TTC39C: variants seen among roughly 807,000 people sequenced by gnomAD.
The protein encoded by TTC39C is tetratricopeptide repeat protein 39C.
In TTC39C, 33 loss-of-function variants were observed where a neutral mutation model predicts 76.3. The ratio of observed to expected loss-of-function variants is 0.43; its 90% CI spans 0.33 to 0.58. The LOEUF (loss-of-function observed/expected upper bound fraction) is 0.58. TTC39C is among the 20% of genes least tolerant of loss of function. The pLI, the probability that TTC39C is intolerant of heterozygous loss-of-function variation, is 0.04. For synonymous variants in TTC39C, 254 were observed against 260.6 expected, an observed-to-expected ratio of 0.97 and a Z score of 0.24; for missense variants, 595 against 701.4, an observed-to-expected ratio of 0.85 and a Z score of 1.71.
At chr18:24,010,326 A>G (rs907988992), upstream of TTC39C, among the ~76,000 whole-genome samples, 3 of 152,256 alleles carry the variant, frequency 2.0e-5, no homozygotes, top group African/African-American at 7.2e-5. Context: ...GCTACTTGTT[A>G]CAAGAGTTTG....
At chr18:24,042,289 A>G (rs1021995262) in intron 1 of TTC39C, among the ~76,000 whole-genome samples, 34 of 152,178 alleles carry the variant, frequency 2.2e-4, no homozygotes, top group African/African-American at 8.2e-4. Flanking sequence ...TTCATGGGTG[A>G]CAGTTTTTCT....
chr18:24,114,256 G>A (rs1319684997), intron 6 of TTC39C: 1 of 303,428 alleles, frequency 3.3e-6, no homozygotes, highest in Non-Finnish European at 6.2e-6. Flanking sequence ...GAGTGAAGGA[G>A]AAGGTGGGTG....
intron 1 of TTC39C, among the ~76,000 whole-genome samples, chr18:24,058,568 T>C (rs2084047679): frequency 6.6e-6 from 1 of 151,860 alleles, no homozygotes; most frequent in African/African-American, 2.4e-5. Context: ...GACACAAGAA[T>C]CACTTGAACC....
rs1031693591 is a variant in TTC39C at position 24,065,975 on chromosome 18, T to A, written c.217-37T>A. On this transcript the variant is annotated intron_variant, in intron 2 of 13. Coordinates refer to ENST00000317571, the MANE Select transcript of TTC39C (RefSeq NM_001135993.2). ...TAAGTTGGCTTAAATTTTCAGATAC[T>A]AATTCATTCATTCATTCATTCTTTC... is the stretch of plus-strand genomic sequence containing the variant. 2.0e-6 allele frequency: 3 copies of A among 1,511,042 alleles called. No individual in the cohort carries two copies. In the Admixed American group the frequency reaches 7.9e-5, roughly 40 times the overall value. 93.6% of individuals were successfully genotyped at this position (1,511,042 alleles called of 1,614,324 possible). A position where few individuals can be genotyped will look rare whatever the true frequency, so the allele number is the denominator to read the frequency against.
At chr18:24,009,167 A>G (rs1461833230) in intron 1 of TTC39C, among the ~76,000 whole-genome samples, 2 of 152,232 alleles carry the variant, frequency 1.3e-5, no homozygotes, top group East Asian at 1.9e-4. Context: ...GTTTACCTCT[A>G]TAACAAACCT....
chr18:24,123,886 A>C lies in TTC39C; in HGVS notation c.1239A>C (p.Glu413Asp), dbSNP rs1222815592. 3 of 1,613,180 alleles carry C rather than the reference A, an allele frequency of 1.9e-6. No individual in the cohort carries two copies. Among genetic ancestry groups the C allele is most frequent in the African/African-American group, 2.7e-5 (2 of 74,746 alleles). The change falls in exon 9 of 14, where the codon GAA (glutamate) becomes GAC (aspartate). Residue 413 changes from glutamate to aspartate, a missense_variant. Transcript: ENST00000317571. ...DVDGAQIVFKEVQKLFKRKNN... is the reference protein window; with the variant it reads ...DVDGAQIVFKDVQKLFKRKNN... ...ATGGGGCACAGATTGTCTTTAAAGA[A>C]GTTCAGAAACTCTTCAAAAGGAAAA...
At chr18:24,084,772 C>T (rs534357710) in intron 6 of TTC39C, among the ~76,000 whole-genome samples, 14 of 152,256 alleles carry the variant, frequency 9.2e-5, no homozygotes, top group East Asian at 7.7e-4. Context: ...AGCGATCCTC[C>T]GACCTCAGCC....
chr18:24,077,200 C>G (rs1290982805), intron 4 of TTC39C: 1 of 152,374 alleles, frequency 6.6e-6, no homozygotes, highest in Non-Finnish European at 1.5e-5. Context: ...GCTGCTCTCT[C>G]CTGGGGTGTT....
At chr18:24,131,675 C>T (rs1199132899) in intron 12 of TTC39C, among the ~76,000 whole-genome samples, 2 of 149,052 alleles carry the variant, frequency 1.3e-5, no homozygotes, top group Non-Finnish European at 3.0e-5. Flanking sequence ...CACTGCACAC[C>T]ACACTCCAGC....
intron 9 of TTC39C, among the ~76,000 whole-genome samples, 159 bp from the exon 10 acceptor site, chr18:24,125,268 G>A (rs774605202): frequency 6.6e-6 from 1 of 152,214 alleles, no homozygotes; most frequent in Non-Finnish European, 1.5e-5. Context: ...AAAATTGAAA[G>A]CAACATTTTT....
In TTC39C at chr18:24,058,570, A is replaced by T. The variant is rs373669148; in HGVS notation, c.168-5570A>T. ...CTTGGGAGGCTGAGACACAAGAATC[A>T]CTTGAACCCAGGAGGCGGAGGCTGC... On this transcript the variant is annotated intron_variant, in intron 1 of 13. Transcript: ENST00000317571. Among the ~76,000 whole-genome samples, 12 of 152,190 alleles carry T rather than the reference A, an allele frequency of 7.9e-5. 1 individual carries two copies. Among genetic ancestry groups the T allele is most frequent in the African/African-American group, 2.9e-4 (12 of 41,520 alleles).
At chr18:24,049,424 A>G (rs2083922549) in intron 1 of TTC39C, among the ~76,000 whole-genome samples, 1 of 152,182 alleles carries the variant, frequency 6.6e-6, no homozygotes, top group African/African-American at 2.4e-5. Context: ...CTCAGCATAG[A>G]TAGTTTTCTG....
In TTC39C at chr18:24,048,315, G is replaced by A. The variant is rs190205818; in HGVS notation, c.168-15825G>A. ...ATTTTGAAATACTTGATAAACTATAGGACACTAATATATAATTGCATAAGC... is the reference window on the plus strand; with the variant it reads ...ATTTTGAAATACTTGATAAACTATAAGACACTAATATATAATTGCATAAGC... On this transcript the variant is annotated intron_variant, in intron 1 of 13. Coordinates refer to ENST00000317571, the MANE Select transcript of TTC39C (RefSeq NM_001135993.2). Among the ~76,000 whole-genome samples the A allele has an allele frequency of 1.7e-3, 266 of 152,306 alleles. 1 individual carries two copies. Among genetic ancestry groups the A allele is most frequent in the African/African-American group, 5.9e-3 (246 of 41,560 alleles).
chr18:24,021,314 A>G (rs1486888012), intron 1 of TTC39C, among the ~76,000 whole-genome samples: 1 of 152,112 alleles, frequency 6.6e-6, no homozygotes, highest in Admixed American at 6.6e-5. Flanking sequence ...CCAACACCCT[A>G]AATTCGCGAG....
chr18:24,044,105 T>C (rs992678600), intron 1 of TTC39C, among the ~76,000 whole-genome samples: 2 of 151,094 alleles, frequency 1.3e-5, no homozygotes, highest in East Asian at 3.9e-4. Flanking sequence ...ATAACCAGTT[T>C]TGTTAGAGCC....
chr18:24,080,363 C>T (rs1213741230), intron 4 of TTC39C, among the ~76,000 whole-genome samples: 1 of 152,124 alleles, frequency 6.6e-6, no homozygotes, highest in African/African-American at 2.4e-5. Flanking sequence ...AGCAGAAACA[C>T]ACATGCTTAC....
rs2083863561 is a variant in TTC39C, at chr18:24,045,895, ATATATATATATAT to A, written c.168-18244_168-18232del. 1.9e-4 allele frequency among the ~76,000 whole-genome samples: 8 copies of A among 42,354 alleles called. No individual in the cohort carries two copies. In the East Asian group the frequency reaches 2.1e-3, roughly 11 times the overall value. 27.8% of individuals were successfully genotyped at this position (42,354 alleles called of 152,430 possible). A position where few individuals can be genotyped will look rare whatever the true frequency, so the allele number is the denominator to read the frequency against. ...TTAGGGTACTTCCTTCTGTGAAAAT[ATATATATATATAT>A]ATATATATATATATATATATTTTTT... On this transcript the variant is annotated intron_variant, in intron 1 of 13. Transcript: ENST00000317571.
chr18:24,032,666 T>C (rs1405106601), intron 1 of TTC39C, among the ~76,000 whole-genome samples: 1 of 152,218 alleles, frequency 6.6e-6, no homozygotes, highest in African/African-American at 2.4e-5. Flanking sequence ...TGAGATCAGG[T>C]GTAGAATTTT....
chr18:24,010,355 T>C (rs2145634200), upstream of TTC39C, among the ~76,000 whole-genome samples: 1 of 152,352 alleles, frequency 6.6e-6, no homozygotes, highest in Admixed American at 6.5e-5. Flanking sequence ...TGTTTATGCA[T>C]CCAGTTAGGC....
Sources: allele counts gnomAD v4.1 joint callset (sites outside exome capture counted in the v4.1 genomes callset), GRCh38; gene constraint gnomAD v4.1.1; transcripts MANE v1.5; gene names NCBI Gene and HGNC (gene_info 2026-07-23, HGNC 2026-07-21).